The following WDR72 variants were observed in gnomAD, a reference collection of about 807,000 sequenced individuals.
WDR72 encodes WD repeat-containing protein 72.
A neutral mutation model predicts 124.2 loss-of-function variants in WDR72; 120 were observed. The ratio of observed to expected loss-of-function variants is 0.97; its 90% CI spans 0.83 to 1.12. The LOEUF is 1.12. Ranked by LOEUF, WDR72 falls within the 50% of genes most tolerant of loss-of-function variation. The probability of loss-of-function intolerance (pLI) is 0.00; values close to 1 mark genes in which losing one functional copy is unlikely to be tolerated. For missense variants in WDR72, 1,387 were observed against 1,278.8 expected (o/e 1.08, Z -1.29); for synonymous variants, 452 against 441.7 (o/e 1.02, Z -0.29).
chr15:53,702,088 T>A, intron 12 of WDR72, 46 bp downstream of exon 12: 1 of 1,416,998 alleles, frequency 7.1e-7, no homozygotes, highest in Non-Finnish European at 9.7e-7. Context: ...TTCTATAATT[T>A]ATATAATTTT....
intron 2 of WDR72, among the ~76,000 whole-genome samples, chr15:53,732,180 C>A (rs2018221698): frequency 6.6e-6 from 1 of 152,098 alleles, no homozygotes; most frequent in African/African-American, 2.4e-5. Context: ...TGTAGTAGAA[C>A]TGTTCAGTGA....
At chr15:53,599,314 A>T (rs1363743467) in intron 17 of WDR72, among the ~76,000 whole-genome samples, 1 of 152,142 alleles carries the variant, frequency 6.6e-6, no homozygotes, top group East Asian at 1.9e-4. Context: ...AATTTGTCAT[A>T]CATGTTATTT....
At chr15:53,627,332 A>C (rs77014997) in intron 14 of WDR72, among the ~76,000 whole-genome samples, 2,224 of 152,344 alleles carry the variant, frequency 0.015, 51 homozygotes, top group East Asian at 0.1. Flanking sequence ...AACATTCACT[A>C]ATGAACTAGT....
chr15:53,567,443 AAAAC>A (rs1200013874), intron 18 of WDR72, among the ~76,000 whole-genome samples: 2 of 152,138 alleles, frequency 1.3e-5, no homozygotes, highest in Admixed American at 1.3e-4. Context: ...AAAAGCCCAA[AAAAC>A]AAACAAACAA....
At chr15:53,753,669 C>T (rs573465203) in intron 1 of WDR72, among the ~76,000 whole-genome samples, 1 of 152,320 alleles carries the variant, frequency 6.6e-6, no homozygotes, top group South Asian at 2.1e-4. Flanking sequence ...AGTCCTGGCT[C>T]TTCCTACTTT....
chr15:53,561,168 CA>C (rs1428484893), intron 18 of WDR72, among the ~76,000 whole-genome samples: 5 of 151,732 alleles, frequency 3.3e-5, no homozygotes, highest in African/African-American at 4.8e-5. Flanking sequence ...CACATTCAAC[CA>C]AAAGGACTTC....
chr15:53,537,066 C>T (rs1892802611), intron 18 of WDR72, among the ~76,000 whole-genome samples: 1 of 152,276 alleles, frequency 6.6e-6, no homozygotes, highest in Middle Eastern at 3.4e-3. Context: ...TACACAGCTC[C>T]TTAATCTCAC....
chr15:53,654,782 G>C (rs1321787308), intron 14 of WDR72, among the ~76,000 whole-genome samples: 1 of 152,138 alleles, frequency 6.6e-6, no homozygotes, highest in East Asian at 1.9e-4. Flanking sequence ...TGAAAATTTT[G>C]ACAAAACACA....
chr15:53,625,798 CA>C lies in WDR72; in HGVS notation c.1963-9556del, dbSNP rs5812699. Among the ~76,000 whole-genome samples the C allele has an allele frequency of 6.1e-3, 843 of 139,296 alleles. 2 individuals are homozygous for C. The highest frequency in any genetic ancestry group is 0.02 in the Middle Eastern group (5 of 254). 91.4% of individuals were successfully genotyped at this position (139,296 alleles called of 152,430 possible). A position where few individuals can be genotyped will look rare whatever the true frequency, so the allele number is the denominator to read the frequency against. On this transcript the variant is annotated intron_variant, in intron 14 of 19. Coordinates refer to ENST00000360509, the MANE Select transcript of WDR72 (RefSeq NM_182758.4). ...AAACAGAAAGGACCAACTGTTCAGA[CA>C]AAAAAAAAAAAATGTAATAGGTGTG...
In WDR72 at chr15:53,738,349, A is replaced by G. The variant is rs188409643; in HGVS notation, c.-12-5188T>C. Among the ~76,000 whole-genome samples the G allele has an allele frequency of 2.6e-5, 4 of 152,284 alleles. No individual in the cohort carries two copies. In the East Asian group the frequency reaches 7.7e-4, roughly 29 times the overall value. On this transcript the variant is annotated intron_variant, in intron 1 of 19. Coordinates refer to ENST00000360509, the MANE Select transcript of WDR72 (RefSeq NM_182758.4). The stretch of plus-strand genomic sequence containing the variant: ...ACAAAACCATATATATTATAAAAAC[A>G]ACAACATATAAGAAATAATCTACAA...
chr15:53,725,797 G>A (rs1197754461), intron 2 of WDR72, among the ~76,000 whole-genome samples: 12 of 152,168 alleles, frequency 7.9e-5, no homozygotes, highest in Admixed American at 1.3e-4. Context: ...TTTGTGGGGA[G>A]CAGGAGATAA....
chr15:53,609,451 TC>T, intron 17 of WDR72, 61 bp downstream of exon 17: 2 of 1,400,026 alleles, frequency 1.4e-6, no homozygotes, highest in Non-Finnish European at 2.0e-6. Flanking sequence ...GAGGGGGGTA[TC>T]CATGAACCAC....
chr15:53,548,245 C>T (rs188113718), intron 18 of WDR72, among the ~76,000 whole-genome samples: 8 of 152,166 alleles, frequency 5.3e-5, no homozygotes, highest in Non-Finnish European at 1.2e-4. Context: ...TACCTGTTTT[C>T]CTTCTAAATG....
At chr15:53,704,741 C>A (rs140995676) in intron 11 of WDR72, among the ~76,000 whole-genome samples, 21,278 of 135,672 alleles carry the variant, frequency 0.16, 2,092 homozygotes, top group Non-Finnish European at 0.19. Context: ...ACCGTGTTAG[C>A]CAGGATGGTC....
chr15:53,709,226 T>C (rs1375780383), intron 9 of WDR72, among the ~76,000 whole-genome samples: 1 of 152,218 alleles, frequency 6.6e-6, no homozygotes, highest in Non-Finnish European at 1.5e-5. Context: ...GAAGAAAGTC[T>C]GACTTTATGC....
chr15:53,743,245 GT>G (rs1567060230), intron 1 of WDR72, among the ~76,000 whole-genome samples: 1 of 151,912 alleles, frequency 6.6e-6, no homozygotes. Context: ...TTATGAAAGT[GT>G]TAAAAAGCTG....
chr15:53,580,057 G>A (rs987587364), intron 18 of WDR72, among the ~76,000 whole-genome samples: 6 of 152,138 alleles, frequency 3.9e-5, no homozygotes, highest in Non-Finnish European at 8.8e-5. Flanking sequence ...TTAACTATCA[G>A]AAATTACCCA....
intron 9 of WDR72, among the ~76,000 whole-genome samples, chr15:53,709,078 C>G (rs1215922028): frequency 6.6e-6 from 1 of 152,238 alleles, no homozygotes; most frequent in African/African-American, 2.4e-5. Flanking sequence ...TACCTGCTTA[C>G]AGAGCAGTCT....
chr15:53,751,504 G>A (rs183521648), intron 1 of WDR72, among the ~76,000 whole-genome samples: 32 of 152,148 alleles, frequency 2.1e-4, no homozygotes, highest in African/African-American at 2.9e-4. Flanking sequence ...TTATATTATC[G>A]TATACTTAAT....
Sources: allele counts gnomAD v4.1 joint callset (sites outside exome capture counted in the v4.1 genomes callset), GRCh38; gene constraint gnomAD v4.1.1; transcripts MANE v1.5; gene names NCBI Gene and HGNC (gene_info 2026-07-23, HGNC 2026-07-21).